The following SLC1A7 variants were observed in gnomAD, a reference collection of about 807,000 sequenced individuals.
SLC1A7 encodes excitatory amino acid transporter 5.
A neutral mutation model predicts 47.7 loss-of-function variants in SLC1A7; 40 were observed. The ratio of observed to expected loss-of-function variants is 0.84; its 90% CI spans 0.65 to 1.09. SLC1A7 has a LOEUF of 1.09. SLC1A7 is among the 50% of genes least tolerant of loss of function. The pLI, the probability that SLC1A7 is intolerant of heterozygous loss-of-function variation, is 0.00. For synonymous variants in SLC1A7, 323 were observed against 325.6 expected (o/e 0.99, Z 0.09); for missense variants, 746 against 769.5 (o/e 0.97, Z 0.36).
chr1:53,124,668 C>T (rs1271170132), intron 2 of SLC1A7, among the ~76,000 whole-genome samples: 3 of 151,854 alleles, frequency 2.0e-5, no homozygotes, highest in Non-Finnish European at 4.4e-5. Flanking sequence ...CAAACACACA[C>T]ACAGAGCACC....
chr1:53,111,334 C>A (rs561533780), intron 3 of SLC1A7, among the ~76,000 whole-genome samples: 2 of 152,040 alleles, frequency 1.3e-5, no homozygotes, highest in Non-Finnish European at 2.9e-5. Flanking sequence ...AGAGTTGGGG[C>A]GGAGGTCAGA....
intron 5 of SLC1A7, among the ~76,000 whole-genome samples, chr1:53,101,354 C>T (rs1644577605): frequency 7.3e-6 from 1 of 137,608 alleles, no homozygotes; most frequent in South Asian, 2.5e-4. Flanking sequence ...CACTCGCACA[C>T]CCCGCTTTGG....
At chr1:53,118,307 T>G (rs548186424) in intron 2 of SLC1A7, 3 of 152,360 alleles carry the variant, frequency 2.0e-5, no homozygotes, top group African/African-American at 7.2e-5. Context: ...ACAAGCAAAC[T>G]CTATAGGAAA....
chr1:53,103,027 G>A (rs1008502427), intron 5 of SLC1A7: 3 of 259,690 alleles, frequency 1.2e-5, no homozygotes, highest in Non-Finnish European at 2.2e-5. Flanking sequence ...CAAGGTGCGG[G>A]CCTCCAAGGG....
At chr1:53,137,329 C>A (rs2150347915) in intron 1 of SLC1A7, among the ~76,000 whole-genome samples, 1 of 147,936 alleles carries the variant, frequency 6.8e-6, no homozygotes, top group East Asian at 2.0e-4. Context: ...GCAGCTCTTG[C>A]CTCACCTCTC....
Position 53,093,477 on chromosome 1 carries a change from C to A in SLC1A7, c.781G>T (p.Val261Leu). The A allele has an allele frequency of 6.2e-7, 1 of 1,610,734 alleles. No homozygotes were observed. The highest frequency in any genetic ancestry group is 1.1e-5 in the South Asian group (1 of 90,514). Residue 261 changes from valine (V) to leucine (L), a missense_variant, in exon 6 of 11, where the codon GTG becomes TTG. Transcript: ENST00000371494. Reference sequence around the variant, plus strand: ...GAGGCTTACCACACAGCCACCGCCACGATCTTCATGACCGACTCATTGAGG... The same window carrying A: ...GAGGCTTACCACACAGCCACCGCCAAGATCTTCATGACCGACTCATTGAGG... ...QCLNESVMKI[V>L]AVAVWYFPFG...
At chr1:53,101,004 A>G (rs796448559) in intron 5 of SLC1A7, among the ~76,000 whole-genome samples, 47 of 148,710 alleles carry the variant, frequency 3.2e-4, no homozygotes, top group African/African-American at 1.1e-3. Context: ...CCACTCAGAT[A>G]CCCTGCCTTT....
intron 3 of SLC1A7, chr1:53,114,476 C>A: frequency 2.1e-6 from 1 of 468,032 alleles, no homozygotes; most frequent in South Asian, 3.6e-5. Flanking sequence ...AGCCAGCCTC[C>A]CACCCTACAG....
At chr1:53,092,818 AC>A in intron 6 of SLC1A7, 31 bp from the exon 7 acceptor site, 1 of 1,463,444 alleles carries the variant, frequency 6.8e-7, no homozygotes, top group Non-Finnish European at 9.6e-7. Flanking sequence ...AGGCTCAGGA[AC>A]CAGGCAGGCA....
At chr1:53,132,936 G>A (rs1488817820) in intron 2 of SLC1A7, among the ~76,000 whole-genome samples, 1 of 152,178 alleles carries the variant, frequency 6.6e-6, no homozygotes, top group Non-Finnish European at 1.5e-5. Flanking sequence ...TCACAGGAGA[G>A]GTCTGGGGAG....
chr1:53,101,094 A>C (rs1644571971), intron 5 of SLC1A7, among the ~76,000 whole-genome samples: 1 of 149,416 alleles, frequency 6.7e-6, no homozygotes, highest in African/African-American at 2.5e-5. Context: ...GTACACTCAC[A>C]CACACCACCT....
At chr1:53,134,676 G>A (rs1644973432) in intron 1 of SLC1A7, among the ~76,000 whole-genome samples, 1 of 152,074 alleles carries the variant, frequency 6.6e-6, no homozygotes, top group Admixed American at 6.5e-5. Context: ...TCTGAGTTTT[G>A]TATTTTTCTC....
At chr1:53,111,543 A>G (rs976735359) in intron 3 of SLC1A7, among the ~76,000 whole-genome samples, 28 of 152,120 alleles carry the variant, frequency 1.8e-4, no homozygotes, top group African/African-American at 6.5e-4. Context: ...GGGGAGGTGG[A>G]AGGGCCATGG....
At chr1:53,123,831 T>C (rs531563892) in intron 2 of SLC1A7, among the ~76,000 whole-genome samples, 1 of 152,268 alleles carries the variant, frequency 6.6e-6, no homozygotes, top group African/African-American at 2.4e-5. Flanking sequence ...GTAAGGCAAA[T>C]CATCTGACTG....
At chr1:53,103,866 C>G (rs1019650403) in intron 4 of SLC1A7, among the ~76,000 whole-genome samples, 1 of 152,090 alleles carries the variant, frequency 6.6e-6, no homozygotes, top group Admixed American at 6.5e-5. Flanking sequence ...TGCCCAGCCC[C>G]TTATCCACCC....
At chr1:53,137,796 T>C (rs557917470) in intron 1 of SLC1A7, among the ~76,000 whole-genome samples, 74 of 152,358 alleles carry the variant, frequency 4.9e-4, no homozygotes, top group African/African-American at 1.7e-3. Flanking sequence ...GCCTGGGGCC[T>C]TGGTCTGTGA....
At chr1:53,132,675 G>A (rs1379447513) in intron 2 of SLC1A7, among the ~76,000 whole-genome samples, 7 of 151,962 alleles carry the variant, frequency 4.6e-5, no homozygotes, top group East Asian at 1.9e-4. Context: ...GTGAGACCCC[G>A]CCTCTACAAA....
At chr1:53,093,853 C>G (rs571224119) in intron 5 of SLC1A7, among the ~76,000 whole-genome samples, 1 of 152,200 alleles carries the variant, frequency 6.6e-6, no homozygotes, top group Non-Finnish European at 1.5e-5. Context: ...ACAAGCTCCC[C>G]GCTGCCTCAC....
chr1:53,106,227 T>C (rs1421111546), intron 3 of SLC1A7, among the ~76,000 whole-genome samples: 1 of 151,924 alleles, frequency 6.6e-6, no homozygotes, highest in Non-Finnish European at 1.5e-5. Flanking sequence ...ACTTGGTTGT[T>C]CATGTCCTAT....
Sources: allele counts gnomAD v4.1 joint callset (sites outside exome capture counted in the v4.1 genomes callset), GRCh38; gene constraint gnomAD v4.1.1; transcripts MANE v1.5; gene names NCBI Gene and HGNC (gene_info 2026-07-23, HGNC 2026-07-21).